The following NTN1 variants were observed in gnomAD, a reference collection of about 807,000 sequenced individuals.
NTN1 encodes netrin 1, also known as netrin-1.
Under a neutral mutation model 54.2 loss-of-function variants are expected in NTN1, and 11 were observed. The observed-to-expected ratio is 0.20, with a 90% CI of 0.13 to 0.34. NTN1 has a LOEUF of 0.34. Ranked by LOEUF, NTN1 falls within the 10% of genes least tolerant of loss-of-function variation. NTN1 has a pLI of 1.00. For synonymous variants in NTN1, 371 were observed against 382.0 expected, an observed-to-expected ratio of 0.97 and a Z score of 0.33; for missense variants, 740 against 893.1, an observed-to-expected ratio of 0.83 and a Z score of 2.18.
chr17:9,219,044 C>T lies in NTN1; in HGVS notation c.1412-2124C>T, dbSNP rs371182969. ...GCAGGAAGGGATTTCAGCCAGCTCA[C>T]GCAGAATCGCCAGGACTTACGCACA... On this transcript the variant is annotated intron_variant, in intron 5 of 6. Transcript: ENST00000173229. The surrounding 1 kb of genome is among the most constrained non-coding windows in gnomAD (Gnocchi z 4.5). 7.2e-5 allele frequency among the ~76,000 whole-genome samples: 11 copies of T among 152,266 alleles called. No individual in the cohort carries two copies. The highest frequency in any genetic ancestry group is 2.0e-4 in the Admixed American group (3 of 15,292).
intron 2 of NTN1, among the ~76,000 whole-genome samples, chr17:9,131,301 T>C (rs2092264278): frequency 6.6e-6 from 1 of 152,208 alleles, no homozygotes; most frequent in Admixed American, 6.5e-5. Flanking sequence ...AGCATCCTCT[T>C]ATATACTCTA....
At chr17:9,117,733 G>A (rs2092218530) in intron 2 of NTN1, among the ~76,000 whole-genome samples, 1 of 138,640 alleles carries the variant, frequency 7.2e-6, no homozygotes. Flanking sequence ...GACAGGGCAA[G>A]ACTCCATCTC....
chr17:9,046,778 C>G (rs116547949), intron 2 of NTN1, among the ~76,000 whole-genome samples: 1,529 of 151,998 alleles, frequency 0.01, 26 homozygotes, highest in African/African-American at 0.033. Context: ...AGAGAAAGAC[C>G]CTGTCTCCAA....
chr17:9,227,428 AC>A (rs1208384145), intron 6 of NTN1, among the ~76,000 whole-genome samples: 3 of 150,800 alleles, frequency 2.0e-5, no homozygotes, highest in African/African-American at 7.3e-5. Flanking sequence ...ACATACATAC[AC>A]CATCACACCA....
intron 2 of NTN1, among the ~76,000 whole-genome samples, chr17:9,119,165 T>C (rs1402142282): frequency 6.6e-6 from 1 of 152,138 alleles, no homozygotes; most frequent in Non-Finnish European, 1.5e-5. Context: ...TATTTGTCTT[T>C]TTAAAAATGT....
At position 9,060,426 on chromosome 17, in the gene NTN1, A is replaced by G. The variant is rs531920893; in HGVS notation, c.1018+37035A>G. Among the ~76,000 whole-genome samples, 3 of 152,354 alleles carry G rather than the reference A, an allele frequency of 2.0e-5. No individual in the cohort carries two copies. In the East Asian group the frequency reaches 5.8e-4, roughly 29 times the overall value. ...TAAGGCTTCCAGTCAACAGTAGGCT[A>G]CTATCAGTTCAGTTTTTGAGGAGTT... On this transcript the variant is annotated intron_variant, in intron 2 of 6. Coordinates refer to ENST00000173229, the MANE Select transcript of NTN1 (RefSeq NM_004822.3).
chr17:9,085,790 G>C (rs563412054), intron 2 of NTN1, among the ~76,000 whole-genome samples: 3 of 152,162 alleles, frequency 2.0e-5, no homozygotes, highest in Non-Finnish European at 2.9e-5. Context: ...TTGAGCACCT[G>C]CTATGTGCCA....
chr17:9,049,181 C>T (rs1205249630), intron 2 of NTN1, among the ~76,000 whole-genome samples: 1 of 152,118 alleles, frequency 6.6e-6, no homozygotes, highest in Non-Finnish European at 1.5e-5. Flanking sequence ...CACCATTTGA[C>T]AAAAAGTTCG....
In NTN1 at chr17:9,023,059, C is replaced by G; in HGVS notation, c.686C>G (p.Ala229Gly). ...AFSTLDGRPS[A>G]HDFDNSPVLQ... ...AGCACGCTGGACGGGCGGCCCTCGG[C>G]GCACGACTTCGACAACTCGCCCGTG... is the stretch of plus-strand genomic sequence containing the variant. Residue 229 changes from alanine (A) to glycine (G), a missense_variant, in exon 2 of 7, where the codon GCG becomes GGG. By Grantham distance (60) the Ala-to-Gly change is moderately conservative (BLOSUM62 0). Transcript: ENST00000173229. 1.9e-6 allele frequency: 3 copies of G among 1,580,158 alleles called. No individual in the cohort carries two copies. The highest frequency in any genetic ancestry group is 2.6e-6 in the Non-Finnish European group (3 of 1,164,796).
intron 2 of NTN1, among the ~76,000 whole-genome samples, chr17:9,157,702 C>G (rs2092346993): frequency 6.6e-6 from 1 of 152,214 alleles, no homozygotes; most frequent in South Asian, 2.1e-4. Context: ...CTGTGGGTGT[C>G]TGGGGTACCC....
rs766374778 is a variant in NTN1 at position 9,221,205 on chromosome 17, G to A, written c.1449G>A (p.Leu483=). The change falls in exon 6 of 7, where the codon CTG becomes CTA. Residue 483 remains leucine (L), a synonymous_variant. Transcript: ENST00000173229. The surrounding 1 kb of genome is among the most constrained non-coding windows in gnomAD (Gnocchi z 4.5). The part of the protein sequence containing the change: ...DSYCKASKGK[L]KINMKKYCKK... Reference sequence around the variant, plus strand: ...ACTGCAAGGCCTCCAAGGGGAAGCTGAAGATTAACATGAAAAAGTACTGCA... The same window carrying A: ...ACTGCAAGGCCTCCAAGGGGAAGCTAAAGATTAACATGAAAAAGTACTGCA... 9.3e-6 allele frequency: 15 copies of A among 1,612,248 alleles called. No homozygotes were observed. Among genetic ancestry groups the A allele is most frequent in the Non-Finnish European group, 1.2e-5 (14 of 1,179,506 alleles).
intron 2 of NTN1, among the ~76,000 whole-genome samples, chr17:9,155,800 T>C (rs1054220085): frequency 3.9e-5 from 6 of 152,152 alleles, no homozygotes; most frequent in African/African-American, 1.4e-4. Flanking sequence ...GCAGGCTCTG[T>C]TTGGGGGAAC....
At chr17:9,024,559 T>A (rs918157981) in intron 2 of NTN1, among the ~76,000 whole-genome samples, 3 of 152,184 alleles carry the variant, frequency 2.0e-5, no homozygotes, top group African/African-American at 7.2e-5. Flanking sequence ...AACACACGTT[T>A]TGAGGTCTGG....
intron 2 of NTN1, among the ~76,000 whole-genome samples, chr17:9,053,272 T>C (rs2091966779): frequency 6.6e-6 from 1 of 152,192 alleles, no homozygotes; most frequent in Non-Finnish European, 1.5e-5. Flanking sequence ...TTGACCCTTC[T>C]CCTAAGCCTT....
At position 9,226,534 on chromosome 17, in the gene NTN1, G is replaced by A. The variant is rs190989229; in HGVS notation, c.1486+5292G>A. On this transcript the variant is annotated intron_variant, in intron 6 of 6. Transcript: ENST00000173229. ...TGGGGAGGTGGTCTCGTGGGGAGGC[G>A]GTCTCGTGGGGAGGCTGTCTCAGGT... 9.8e-5 allele frequency among the ~76,000 whole-genome samples: 10 copies of A among 101,598 alleles called. 1 individual carries two copies. The highest frequency in any genetic ancestry group is 1.6e-4 in the Non-Finnish European group (9 of 56,932). The allele number at this position is 101,598 out of a possible 152,430, so 66.7% of individuals were successfully genotyped here. A position where few individuals can be genotyped will look rare whatever the true frequency, so the allele number is the denominator to read the frequency against.
chr17:9,084,514 C>T (rs1168087152), intron 2 of NTN1, among the ~76,000 whole-genome samples: 2 of 152,148 alleles, frequency 1.3e-5, no homozygotes, highest in Non-Finnish European at 2.9e-5. Context: ...GCAGAGATTT[C>T]CATCTGGGGG....
At chr17:9,089,676 G>A (rs929061432) in intron 2 of NTN1, among the ~76,000 whole-genome samples, 1 of 152,106 alleles carries the variant, frequency 6.6e-6, no homozygotes, top group Admixed American at 6.6e-5. Context: ...CACCTTGAAC[G>A]TGATGGGTGC....
chr17:9,147,834 C>T (rs2092318138), intron 2 of NTN1, among the ~76,000 whole-genome samples: 1 of 152,188 alleles, frequency 6.6e-6, no homozygotes. Flanking sequence ...CTTTACTGAG[C>T]TCTAAATGAA....
intron 2 of NTN1, among the ~76,000 whole-genome samples, chr17:9,075,151 G>T (rs1205287942): frequency 6.6e-6 from 1 of 152,130 alleles, no homozygotes; most frequent in Non-Finnish European, 1.5e-5. Flanking sequence ...GGATAGTCTT[G>T]GTCAAATGAC....
Sources: gnomAD v4.1 joint callset for allele counts (sites outside exome capture counted in the v4.1 genomes callset) on GRCh38, gnomAD v4.1.1 for gene constraint, Gnocchi (gnomAD v3.1) non-coding constraint, MANE v1.5 for transcripts, NCBI Gene and HGNC (gene_info 2026-07-23, HGNC 2026-07-21) for gene names.